BTBD10: variants seen among roughly 807,000 people sequenced by gnomAD.
BTBD10 encodes BTB/POZ domain-containing protein 10.
Under a neutral mutation model 53.2 loss-of-function variants are expected in BTBD10, and 21 were observed. The observed-to-expected ratio is 0.39, with a 90% CI of 0.28 to 0.57. BTBD10 has a LOEUF of 0.57. BTBD10 is among the 20% of genes least tolerant of loss of function. The probability of loss-of-function intolerance (pLI) is 0.53; values close to 1 mark genes in which losing one functional copy is unlikely to be tolerated. For missense variants in BTBD10, 360 were observed against 594.7 expected, an observed-to-expected ratio of 0.61 and a Z score of 4.10; for synonymous variants, 149 against 192.7, an observed-to-expected ratio of 0.77 and a Z score of 1.88.
At chr11:13,425,295 A>C (rs543302039) in intron 2 of BTBD10, among the ~76,000 whole-genome samples, 2 of 152,208 alleles carry the variant, frequency 1.3e-5, no homozygotes, top group Non-Finnish European at 2.9e-5. Context: ...TCCCCTAATA[A>C]ATTTTAACAT....
intron 1 of BTBD10, among the ~76,000 whole-genome samples, chr11:13,446,535 G>A (rs2134036112): frequency 6.6e-6 from 1 of 152,042 alleles, no homozygotes; most frequent in South Asian, 2.1e-4. Flanking sequence ...TAAATAAGTA[G>A]GTAGATCCAT....
chr11:13,450,867 C>T (rs1950843396), intron 1 of BTBD10, among the ~76,000 whole-genome samples: 1 of 152,182 alleles, frequency 6.6e-6, no homozygotes, highest in Admixed American at 6.6e-5. Flanking sequence ...TTTAAAAGCA[C>T]TTGAAAGTGT....
intron 1 of BTBD10, among the ~76,000 whole-genome samples, chr11:13,457,901 T>G (rs2134063946): frequency 6.6e-6 from 1 of 152,302 alleles, no homozygotes; most frequent in Non-Finnish European, 1.5e-5. Flanking sequence ...ATGTTCCCAG[T>G]TGCATGTAAT....
At chr11:13,460,594 C>A (rs1951074182) in intron 1 of BTBD10, among the ~76,000 whole-genome samples, 1 of 152,170 alleles carries the variant, frequency 6.6e-6, no homozygotes, top group Non-Finnish European at 1.5e-5. Context: ...ATCCTTCTTA[C>A]AAGAAAAACT....
intron 8 of BTBD10, among the ~76,000 whole-genome samples, chr11:13,389,613 A>G (rs552863778): frequency 3.9e-5 from 6 of 152,136 alleles, no homozygotes; most frequent in African/African-American, 1.4e-4. Context: ...TTTTTAGTAG[A>G]GGGGGGGTTT....
intron 1 of BTBD10, among the ~76,000 whole-genome samples, chr11:13,448,954 G>A (rs12361281): frequency 0.04 from 6,028 of 152,236 alleles, 152 homozygotes; most frequent in Non-Finnish European, 0.057. Flanking sequence ...AGGCATGATA[G>A]AAATAAATTT....
chr11:13,459,096 GC>G (rs1951035873), intron 1 of BTBD10, among the ~76,000 whole-genome samples: 1 of 142,810 alleles, frequency 7.0e-6, no homozygotes, highest in African/African-American at 2.6e-5. Flanking sequence ...TCGCTCTGTC[GC>G]CCAGGCTGGA....
At chr11:13,434,836 G>C (rs954720811) in intron 2 of BTBD10, among the ~76,000 whole-genome samples, 1 of 152,192 alleles carries the variant, frequency 6.6e-6, no homozygotes, top group Non-Finnish European at 1.5e-5. Context: ...TATATATTTT[G>C]AAGAATATGC....
intron 6 of BTBD10, among the ~76,000 whole-genome samples, chr11:13,408,751 G>A (rs1033147482): frequency 1.3e-5 from 2 of 152,094 alleles, no homozygotes; most frequent in Non-Finnish European, 2.9e-5. Flanking sequence ...CATATACCCA[G>A]AATCTGACTA....
chr11:13,391,214 C>T (rs563060689), intron 8 of BTBD10, among the ~76,000 whole-genome samples: 1 of 152,270 alleles, frequency 6.6e-6, no homozygotes, highest in African/African-American at 2.4e-5. Flanking sequence ...TACTATCATG[C>T]TACACTCTAA....
intron 2 of BTBD10, among the ~76,000 whole-genome samples, chr11:13,428,186 T>C (rs1950379540): frequency 6.6e-6 from 1 of 152,094 alleles, no homozygotes; most frequent in Admixed American, 6.5e-5. Flanking sequence ...TAAACAACTT[T>C]AAGCCAATAA....
At chr11:13,409,869 T>C (rs1191490874) in intron 6 of BTBD10, among the ~76,000 whole-genome samples, 1 of 152,160 alleles carries the variant, frequency 6.6e-6, no homozygotes, top group African/African-American at 2.4e-5. Flanking sequence ...ACTATATGCA[T>C]GAAACTCATA....
At chr11:13,400,272 G>A (rs1432214935) in intron 8 of BTBD10, among the ~76,000 whole-genome samples, 5 of 152,208 alleles carry the variant, frequency 3.3e-5, no homozygotes, top group Non-Finnish European at 7.3e-5. Context: ...CAGCCTCGCT[G>A]CCACCTTGCA....
rs1393042544 is a variant in BTBD10, at chr11:13,463,159, T to A, written c.-125A>T. ...GGCAAAGGCCGGGGCCAGTGACACCTCCACTTCCTCCTCAGCCAGATCCCT... is the reference window on the plus strand; with the variant it reads ...GGCAAAGGCCGGGGCCAGTGACACCACCACTTCCTCCTCAGCCAGATCCCT... On this transcript the variant is annotated 5_prime_UTR_variant, in exon 1 of 9. Coordinates refer to ENST00000278174, the MANE Select transcript of BTBD10 (RefSeq NM_032320.7). 1 of 149,650 alleles carries A rather than the reference T, an allele frequency of 6.7e-6. No homozygotes were observed. The highest frequency in any genetic ancestry group is 2.1e-4 in the East Asian group (1 of 4,782). The allele number at this position is 149,650 out of a possible 1,614,324, so 9.3% of individuals were successfully genotyped here. A position where few individuals can be genotyped will look rare whatever the true frequency, so the allele number is the denominator to read the frequency against.
rs939613888 is a variant in BTBD10 at position 13,442,804 on chromosome 11, C to T, written c.101+2220G>A. On this transcript the variant is annotated intron_variant, in intron 2 of 8. Coordinates refer to ENST00000278174, the MANE Select transcript of BTBD10 (RefSeq NM_032320.7). ...AATACTTGCTATTACTTTTTAAAACCTCTCAGCCAATTAATTTACTATGAA... is the reference window on the plus strand; with the variant it reads ...AATACTTGCTATTACTTTTTAAAACTTCTCAGCCAATTAATTTACTATGAA... Among the ~76,000 whole-genome samples the T allele has an allele frequency of 2.0e-5, 3 of 152,106 alleles. No homozygotes were observed. In the South Asian group the frequency reaches 6.2e-4, roughly 32 times the overall value.
intron 6 of BTBD10, among the ~76,000 whole-genome samples, chr11:13,410,568 C>T (rs1412202454): frequency 6.6e-6 from 1 of 151,908 alleles, no homozygotes; most frequent in African/African-American, 2.4e-5. Context: ...CCAGAATTCC[C>T]ATTAAACTTA....
At chr11:13,454,035 G>C (rs1238775570) in intron 1 of BTBD10, among the ~76,000 whole-genome samples, 1 of 152,066 alleles carries the variant, frequency 6.6e-6, no homozygotes, top group Non-Finnish European at 1.5e-5. Flanking sequence ...CTGGGCAACA[G>C]AGCAAGACTC....
chr11:13,412,151 A>G (rs1215505152), intron 6 of BTBD10, among the ~76,000 whole-genome samples: 1 of 151,422 alleles, frequency 6.6e-6, no homozygotes, highest in East Asian at 2.0e-4. Flanking sequence ...TTTTTTTAAG[A>G]TGTGAAAAAA....
intron 8 of BTBD10, among the ~76,000 whole-genome samples, chr11:13,393,250 AATT>A (rs1400136433): frequency 1.3e-5 from 2 of 152,180 alleles, no homozygotes; most frequent in East Asian, 3.8e-4. Context: ...ACAGAGCTAA[AATT>A]ATTTTTTGAA....
Sources: gnomAD v4.1 joint callset for allele counts (sites outside exome capture counted in the v4.1 genomes callset) on GRCh38, gnomAD v4.1.1 for gene constraint, MANE v1.5 for transcripts, NCBI Gene and HGNC (gene_info 2026-07-23, HGNC 2026-07-21) for gene names.